RPS6KC1: variants seen among roughly 807,000 people sequenced by gnomAD.
RPS6KC1 encodes ribosomal protein S6 kinase C1, also known as inactive ribosomal protein S6 kinase delta-1.
In RPS6KC1, 54 loss-of-function variants were observed where a neutral mutation model predicts 103.8. The ratio of observed to expected loss-of-function variants is 0.52; its 90% CI spans 0.42 to 0.65. RPS6KC1 has a LOEUF of 0.65. RPS6KC1 is among the 30% of genes least tolerant of loss of function. The pLI is 0.00. For missense variants in RPS6KC1, 1,151 were observed against 1,253.8 expected (o/e 0.92, Z 1.24); for synonymous variants, 439 against 438.7 (o/e 1.00, Z -0.01).
chr1:213,350,021 TC>T, the RPS6KC1 span, among the ~76,000 whole-genome samples: 1 of 152,072 alleles, frequency 6.6e-6, no homozygotes, highest in African/African-American at 2.4e-5. Context: ...TCTTTTTAAG[TC>T]CCTAGGGGTT....
At chr1:213,175,343 A>G (rs921612091) in intron 7 of RPS6KC1, among the ~76,000 whole-genome samples, 2 of 152,222 alleles carry the variant, frequency 1.3e-5, no homozygotes, top group African/African-American at 4.8e-5. Context: ...TGGTATCTCA[A>G]TAATTCCCTT....
the RPS6KC1 span, among the ~76,000 whole-genome samples, chr1:213,622,332 C>T: frequency 6.6e-6 from 1 of 151,066 alleles, no homozygotes; most frequent in African/African-American, 2.4e-5. Flanking sequence ...AGGCCAGTGG[C>T]TTTCTGCTAT....
At chr1:213,766,628 T>G in the RPS6KC1 span, among the ~76,000 whole-genome samples, 1 of 152,240 alleles carries the variant, frequency 6.6e-6, no homozygotes, top group Admixed American at 6.5e-5. Context: ...TAATTCTCCT[T>G]ACTGTCTCTT....
chr1:213,278,806 G>T (rs1256172832), downstream of RPS6KC1, among the ~76,000 whole-genome samples: 1 of 152,214 alleles, frequency 6.6e-6, no homozygotes, highest in African/African-American at 2.4e-5. Flanking sequence ...ACAAAGGAGA[G>T]ATCTGAGGAG....
At chr1:213,668,520 G>A in the RPS6KC1 span, among the ~76,000 whole-genome samples, 1 of 150,998 alleles carries the variant, frequency 6.6e-6, no homozygotes, top group Non-Finnish European at 1.5e-5. Flanking sequence ...TTAGAGCACA[G>A]GCAGAGAAGA....
chr1:213,771,822 C>G, the RPS6KC1 span, among the ~76,000 whole-genome samples: 1 of 152,074 alleles, frequency 6.6e-6, no homozygotes, highest in Non-Finnish European at 1.5e-5. Flanking sequence ...CAATGATAAG[C>G]ATTTTAAGAG....
the RPS6KC1 span, among the ~76,000 whole-genome samples, chr1:213,472,215 A>G: frequency 1.3e-5 from 2 of 152,220 alleles, no homozygotes; most frequent in African/African-American, 4.8e-5. Context: ...GGGAGACACA[A>G]TGGAAATCAA....
the RPS6KC1 span, among the ~76,000 whole-genome samples, chr1:213,305,302 C>T: frequency 2.0e-4 from 31 of 152,208 alleles, no homozygotes; most frequent in African/African-American, 7.0e-4. Context: ...AGGCTGGTCT[C>T]GAACTCCTGA....
the RPS6KC1 span, among the ~76,000 whole-genome samples, chr1:213,617,865 T>C: frequency 2.0e-5 from 3 of 152,358 alleles, no homozygotes; most frequent in Admixed American, 1.3e-4. Context: ...TCTAGCTCTA[T>C]GTCTCCATCG....
At chr1:213,571,188 G>T in the RPS6KC1 span, among the ~76,000 whole-genome samples, 1 of 152,094 alleles carries the variant, frequency 6.6e-6, no homozygotes, top group Non-Finnish European at 1.5e-5. Context: ...AAAATGGAGG[G>T]TTTTTTGGGA....
the RPS6KC1 span, among the ~76,000 whole-genome samples, chr1:213,288,679 C>T: frequency 6.6e-6 from 1 of 152,172 alleles, no homozygotes; most frequent in East Asian, 1.9e-4. Context: ...AGTAAAGTTT[C>T]AGTGAGTTTC....
chr1:213,376,461 A>C, the RPS6KC1 span, among the ~76,000 whole-genome samples: 1 of 152,024 alleles, frequency 6.6e-6, no homozygotes, highest in African/African-American at 2.4e-5. Flanking sequence ...TATCATGAGT[A>C]ATGCGATGGT....
chr1:213,574,239 G>A, the RPS6KC1 span, among the ~76,000 whole-genome samples: 1 of 152,058 alleles, frequency 6.6e-6, no homozygotes, highest in Admixed American at 6.6e-5. Context: ...CAATTCCTAA[G>A]GTTGGTGCCC....
chr1:213,782,253 A>C, the RPS6KC1 span, among the ~76,000 whole-genome samples: 4 of 152,194 alleles, frequency 2.6e-5, no homozygotes, highest in Non-Finnish European at 1.5e-5. Flanking sequence ...GATTATTAGC[A>C]CCTCAAAGCA....
intron 12 of RPS6KC1, among the ~76,000 whole-genome samples, chr1:213,247,807 ATT>A (rs2094477170): frequency 6.6e-6 from 1 of 152,196 alleles, no homozygotes; most frequent in Non-Finnish European, 1.5e-5. Flanking sequence ...TTAAGGCAGG[ATT>A]TTCCCCCCAA....
chr1:213,242,871 TTTA>T (rs1208649500), intron 12 of RPS6KC1, among the ~76,000 whole-genome samples: 1 of 152,194 alleles, frequency 6.6e-6, no homozygotes, highest in African/African-American at 2.4e-5. Flanking sequence ...TGTCCACATA[TTTA>T]TTATTGTTAA....
chr1:213,739,619 T>TA, the RPS6KC1 span, among the ~76,000 whole-genome samples: 1 of 151,754 alleles, frequency 6.6e-6, no homozygotes, highest in Non-Finnish European at 1.5e-5. Flanking sequence ...ACATTAAGAA[T>TA]AAAAAAAAGA....
chr1:213,411,565 G>A, the RPS6KC1 span, among the ~76,000 whole-genome samples: 2 of 152,202 alleles, frequency 1.3e-5, no homozygotes, highest in South Asian at 2.1e-4. Context: ...TGAGTGGAGA[G>A]ATGGGTACCC....
chr1:213,255,880 C>T lies in RPS6KC1; in HGVS notation c.2912-5678C>T, dbSNP rs75739187. 1.1e-4 allele frequency among the ~76,000 whole-genome samples: 16 copies of T among 152,184 alleles called. No individual in the cohort carries two copies. The East Asian group carries it at 1.9e-3, about 18-fold the overall frequency. ...ACAGCCTAAATGCAGAACTCTTTGTCGTAGCTTAGAGTCATGTATGAAAAT... is the reference window on the plus strand; with the variant it reads ...ACAGCCTAAATGCAGAACTCTTTGTTGTAGCTTAGAGTCATGTATGAAAAT... On this transcript the variant is annotated intron_variant, in intron 12 of 14. Transcript: ENST00000366960.
Sources: gnomAD v4.1 joint callset for allele counts (sites outside exome capture counted in the v4.1 genomes callset) on GRCh38, gnomAD v4.1.1 for gene constraint, MANE v1.5 for transcripts, NCBI Gene and HGNC (gene_info 2026-07-23, HGNC 2026-07-21) for gene names.